The following FRMPD4 variants were observed in gnomAD, a reference collection of about 807,000 sequenced individuals.
FRMPD4 encodes the protein FERM and PDZ domain-containing protein 4.
FRMPD4 carries 22 observed loss-of-function variants against 94.1 expected under a neutral mutation model. That is an observed-to-expected ratio of 0.23 (90% CI 0.17 to 0.33). The LOEUF is 0.33. FRMPD4 is among the 10% of genes least tolerant of loss of function. The probability of loss-of-function intolerance (pLI) is 1.00; values close to 1 mark genes in which losing one functional copy is unlikely to be tolerated. For synonymous variants in FRMPD4, 631 were observed against 548.6 expected (o/e 1.15, Z -2.10); for missense variants, 1,111 against 1,339.9 (o/e 0.83, Z 2.67).
intron 3 of FRMPD4, among the ~76,000 whole-genome samples, chrX:12,612,345 G>T (rs1306355822): frequency 2.7e-5 from 3 of 111,818 alleles, no homozygotes; most frequent in African/African-American, 9.8e-5. Context: ...ATTTTGAGAA[G>T]AGTAGAAAAA....
chrX:11,986,471 A>G (rs749663068), intron 3 of FRMPD4, among the ~76,000 whole-genome samples: 1 of 112,255 alleles, frequency 8.9e-6, no homozygotes, highest in African/African-American at 3.2e-5. Context: ...ACATCAAAAA[A>G]GAAGAAAGAC....
At chrX:12,210,237 A>G (rs1257321262) in intron 1 of FRMPD4, among the ~76,000 whole-genome samples, 7 of 112,360 alleles carry the variant, frequency 6.2e-5, no homozygotes, top group African/African-American at 2.3e-4. Flanking sequence ...ATGTGTCTCA[A>G]GCTGCTTCTG....
chrX:12,589,035 C>T (rs910924054), intron 2 of FRMPD4, among the ~76,000 whole-genome samples: 1 of 111,550 alleles, frequency 9.0e-6, no homozygotes, highest in African/African-American at 3.3e-5. Flanking sequence ...TTTCCTAAGT[C>T]GATATTATGT....
intron 1 of FRMPD4, among the ~76,000 whole-genome samples, chrX:12,195,514 T>C (rs1418356223): frequency 8.9e-6 from 1 of 111,967 alleles, no homozygotes; most frequent in Non-Finnish European, 1.9e-5. Flanking sequence ...AAGCAACCTG[T>C]GTACAGTTTT....
At chrX:12,625,336 T>C (rs1232045565) in intron 4 of FRMPD4, among the ~76,000 whole-genome samples, 1 of 111,657 alleles carries the variant, frequency 9.0e-6, no homozygotes, top group Non-Finnish European at 1.9e-5. Context: ...ATATCTGCAC[T>C]CTCGTGTTTA....
At chrX:12,023,636 T>G (rs923418564) in intron 3 of FRMPD4, among the ~76,000 whole-genome samples, 2 of 112,061 alleles carry the variant, frequency 1.8e-5, no homozygotes, top group African/African-American at 6.5e-5. Flanking sequence ...TAGTAGTCAC[T>G]TGAAAGGCAA....
intron 4 of FRMPD4, among the ~76,000 whole-genome samples, chrX:12,661,236 T>C (rs1394925662): frequency 1.8e-5 from 2 of 112,550 alleles, no homozygotes. Context: ...TTTAGATCCC[T>C]AGTATCACAG....
intron 1 of FRMPD4, among the ~76,000 whole-genome samples, chrX:12,445,726 C>T (rs769979333): frequency 8.0e-5 from 9 of 112,441 alleles, no homozygotes; most frequent in Non-Finnish European, 1.7e-4. Flanking sequence ...AGCAACTAGA[C>T]AGGAATAAAT....
intron 1 of FRMPD4, among the ~76,000 whole-genome samples, chrX:12,174,323 A>G (rs936920332): frequency 2.7e-5 from 3 of 112,154 alleles, no homozygotes; most frequent in African/African-American, 9.7e-5. Flanking sequence ...AACCATCCTT[A>G]GCTTGTGAAT....
chrX:12,696,326 T>C (rs1409574507), intron 9 of FRMPD4, among the ~76,000 whole-genome samples: 1 of 111,457 alleles, frequency 9.0e-6, no homozygotes, highest in East Asian at 2.8e-4. Flanking sequence ...TTTCCAGGAA[T>C]GAGTATCTGG....
At chrX:12,529,168 G>A (rs1001440941) in intron 2 of FRMPD4, among the ~76,000 whole-genome samples, 7 of 111,951 alleles carry the variant, frequency 6.3e-5, no homozygotes, top group African/African-American at 2.3e-4. Context: ...CTGCTTCCAA[G>A]CTCACTCAGT....
intron 3 of FRMPD4, among the ~76,000 whole-genome samples, chrX:11,953,917 A>G (rs2054240395): frequency 8.9e-6 from 1 of 112,246 alleles, no homozygotes; most frequent in African/African-American, 3.2e-5. Context: ...GGGGTTATTC[A>G]CAAGTCTTCT....
intron 1 of FRMPD4, among the ~76,000 whole-genome samples, chrX:12,492,278 C>T (rs1370865): frequency 0.45 from 49,536 of 110,092 alleles, 8,634 homozygotes; most frequent in South Asian, 0.61. Flanking sequence ...ACCAGTTAAC[C>T]CAGATTTAAT....
At chrX:12,067,354 A>G (rs2054930004) in intron 3 of FRMPD4, among the ~76,000 whole-genome samples, 1 of 111,030 alleles carries the variant, frequency 9.0e-6, no homozygotes, top group Admixed American at 9.5e-5. Flanking sequence ...ATGCTCACCC[A>G]TCTGTTTTTG....
chrX:12,595,204 G>A (rs923804728), intron 2 of FRMPD4, among the ~76,000 whole-genome samples: 2 of 111,613 alleles, frequency 1.8e-5, no homozygotes, highest in Admixed American at 1.9e-4. Flanking sequence ...AGACAGAAAG[G>A]CATAAAGAGC....
chrX:11,953,697 G>C (rs1024023000), intron 3 of FRMPD4, among the ~76,000 whole-genome samples: 11 of 111,415 alleles, frequency 9.9e-5, no homozygotes, highest in Non-Finnish European at 1.9e-4. Flanking sequence ...CCAGACATGG[G>C]GAGAGCGATG....
intron 2 of FRMPD4, among the ~76,000 whole-genome samples, chrX:12,509,641 G>A (rs997211730): frequency 9.0e-6 from 1 of 111,271 alleles, no homozygotes; most frequent in Non-Finnish European, 1.9e-5. Flanking sequence ...AATGTATACT[G>A]CTCGGGTGAT....
intron 1 of FRMPD4, among the ~76,000 whole-genome samples, chrX:12,200,147 T>C (rs1238499702): frequency 8.9e-6 from 1 of 112,121 alleles, no homozygotes; most frequent in Non-Finnish European, 1.9e-5. Context: ...ATCTTATGGC[T>C]AATTTGTGAG....
At chrX:12,066,090 C>G (rs2054918150) in intron 3 of FRMPD4, among the ~76,000 whole-genome samples, 1 of 111,978 alleles carries the variant, frequency 8.9e-6, no homozygotes, top group South Asian at 3.7e-4. Context: ...TAAAAATATC[C>G]TGCAGTGAAT....
Sources: gnomAD v4.1 joint callset for allele counts (sites outside exome capture counted in the v4.1 genomes callset) on GRCh38, gnomAD v4.1.1 for gene constraint, MANE v1.5 for transcripts, NCBI Gene and HGNC (gene_info 2026-07-23, HGNC 2026-07-21) for gene names.